Variants in SLC1A1 observed in about 807,000 individuals in gnomAD.
SLC1A1 encodes excitatory amino acid transporter 3.
A neutral mutation model predicts 53.3 loss-of-function variants in SLC1A1; 43 were observed. The observed-to-expected ratio is 0.81, with a 90% confidence interval of 0.63 to 1.04. The LOEUF (loss-of-function observed/expected upper bound fraction) is 1.04, where lower values mean the gene tolerates loss of function less well. Ranked by LOEUF, SLC1A1 falls within the 50% of genes least tolerant of loss-of-function variation. SLC1A1 has a pLI of 0.00. For synonymous variants in SLC1A1, 307 were observed against 243.2 expected, an observed-to-expected ratio of 1.26 and a Z score of -2.44; for missense variants, 748 against 664.9, an observed-to-expected ratio of 1.12 and a Z score of -1.37.
intron 2 of SLC1A1, 93 bp downstream of exon 2, chr9:4,544,800 G>T: frequency 9.2e-7 from 1 of 1,088,382 alleles, no homozygotes; most frequent in Non-Finnish European, 1.4e-6. Flanking sequence ...AAGGAAAGAG[G>T]TTTAATTGAC....
At chr9:4,508,026 C>T (rs756559302) in intron 1 of SLC1A1, among the ~76,000 whole-genome samples, 7 of 152,094 alleles carry the variant, frequency 4.6e-5, no homozygotes, top group Non-Finnish European at 8.8e-5. Context: ...TCCAGGGCCT[C>T]TCCAAACCGT....
intron 1 of SLC1A1, among the ~76,000 whole-genome samples, chr9:4,516,741 C>A (rs1380035593): frequency 6.6e-6 from 1 of 152,172 alleles, no homozygotes; most frequent in East Asian, 1.9e-4. Context: ...AAAAACTAAT[C>A]TTTGTATATT....
chr9:4,558,247 A>G (rs1818609828), intron 2 of SLC1A1, among the ~76,000 whole-genome samples: 1 of 152,174 alleles, frequency 6.6e-6, no homozygotes, highest in Non-Finnish European at 1.5e-5. Context: ...CCAACAATGC[A>G]TTATAAATCA....
rs1821298479 is a variant in SLC1A1 at position 4,583,545 on chromosome 9, A to G, written c.1328+373A>G. Among the ~76,000 whole-genome samples the G allele has an allele frequency of 6.6e-6, 1 of 152,168 alleles. No individual in the cohort carries two copies. Among genetic ancestry groups the G allele is most frequent in the African/African-American group, 2.4e-5 (1 of 41,430 alleles). ...GCTCAGAACCACCTAGTTCAAAATC[A>G]GTCCGTCTTCCTAAGCATCTTCCGA... On this transcript the variant is annotated intron_variant, in intron 11 of 11. Coordinates refer to ENST00000262352, the MANE Select transcript of SLC1A1 (RefSeq NM_004170.6). The surrounding 1 kb of genome is among the most constrained non-coding windows in gnomAD (Gnocchi z 4.6).
intron 4 of SLC1A1, among the ~76,000 whole-genome samples, chr9:4,565,083 T>C (rs2129707997): frequency 6.6e-6 from 1 of 152,334 alleles, no homozygotes; most frequent in African/African-American, 2.4e-5. Context: ...TTTTAGACAT[T>C]GCAAAGAAAG....
chr9:4,538,790 G>C lies in SLC1A1; in HGVS notation c.92-5777G>C, dbSNP rs578134507. Among the ~76,000 whole-genome samples the C allele has an allele frequency of 2.0e-4, 31 of 152,354 alleles. No individual in the cohort carries two copies. The South Asian group carries it at 6.2e-3, about 31-fold the overall frequency. On this transcript the variant is annotated intron_variant, in intron 1 of 11. Coordinates refer to ENST00000262352, the MANE Select transcript of SLC1A1 (RefSeq NM_004170.6). ...GCTCTTTAGGGAGGCAGGAAGAGATGAGAAAGGGATACAGATTATTACAGC... is the reference window on the plus strand; with the variant it reads ...GCTCTTTAGGGAGGCAGGAAGAGATCAGAAAGGGATACAGATTATTACAGC...
chr9:4,521,576 C>G (rs948282366), intron 1 of SLC1A1, among the ~76,000 whole-genome samples: 1 of 152,142 alleles, frequency 6.6e-6, no homozygotes, highest in Non-Finnish European at 1.5e-5. Flanking sequence ...GGCGGATGAA[C>G]CCCATCATCA....
At chr9:4,547,531 G>C (rs1453934861) in intron 2 of SLC1A1, among the ~76,000 whole-genome samples, 1 of 152,162 alleles carries the variant, frequency 6.6e-6, no homozygotes, top group Non-Finnish European at 1.5e-5. Flanking sequence ...GACTAGTGTT[G>C]GCACAGTTAT....
intron 6 of SLC1A1, among the ~76,000 whole-genome samples, chr9:4,570,412 C>T (rs1819916970): frequency 6.6e-6 from 1 of 151,884 alleles, no homozygotes; most frequent in South Asian, 2.1e-4. Flanking sequence ...GACTCTATCG[C>T]CCAGGCTGGA....
intron 10 of SLC1A1, among the ~76,000 whole-genome samples, chr9:4,578,153 T>C (rs1820736465): frequency 6.6e-6 from 1 of 152,256 alleles, no homozygotes; most frequent in African/African-American, 2.4e-5. Flanking sequence ...AATATAGGTC[T>C]GGCTGCAGAT....
chr9:4,498,339 T>C (rs1161260744), intron 1 of SLC1A1, among the ~76,000 whole-genome samples: 2 of 152,242 alleles, frequency 1.3e-5, no homozygotes, highest in Non-Finnish European at 2.9e-5. Context: ...ATTAGATGGT[T>C]TATTACAACA....
At chr9:4,559,965 T>G (rs1456142645) in intron 2 of SLC1A1, 5 of 152,176 alleles carry the variant, frequency 3.3e-5, no homozygotes, top group African/African-American at 1.2e-4. Context: ...ATGCCTGCCT[T>G]CCACCTCTAA....
At chr9:4,536,333 C>A (rs182348888) in intron 1 of SLC1A1, among the ~76,000 whole-genome samples, 2 of 136,740 alleles carry the variant, frequency 1.5e-5, no homozygotes, top group Admixed American at 1.5e-4. Context: ...ACAATGAACT[C>A]AAACAAATCT....
At chr9:4,546,359 G>C (rs771217160) in intron 2 of SLC1A1, among the ~76,000 whole-genome samples, 5 of 151,854 alleles carry the variant, frequency 3.3e-5, no homozygotes, top group Admixed American at 6.6e-5. Context: ...TTGTTTATTT[G>C]TTTAAATTGT....
At chr9:4,523,925 T>G (rs1816172945) in intron 1 of SLC1A1, among the ~76,000 whole-genome samples, 1 of 152,236 alleles carries the variant, frequency 6.6e-6, no homozygotes, top group Non-Finnish European at 1.5e-5. Context: ...TTGAACAGTC[T>G]CTTCTTAAAG....
chr9:4,512,464 C>T (rs1040462205), intron 1 of SLC1A1, among the ~76,000 whole-genome samples: 1 of 152,030 alleles, frequency 6.6e-6, no homozygotes, highest in African/African-American at 2.4e-5. Context: ...GCCATGATCA[C>T]GCCACTGCAC....
intron 6 of SLC1A1, among the ~76,000 whole-genome samples, chr9:4,570,067 G>C (rs1819878688): frequency 6.6e-6 from 1 of 152,160 alleles, no homozygotes; most frequent in Non-Finnish European, 1.5e-5. Context: ...TTTTGCCTTT[G>C]CTTGCCATCT....
chr9:4,567,278 C>CT (rs1819578212), intron 5 of SLC1A1, among the ~76,000 whole-genome samples: 1 of 152,136 alleles, frequency 6.6e-6, no homozygotes, highest in Non-Finnish European at 1.5e-5. Flanking sequence ...AGTGTGTTTG[C>CT]TCAGATTAAA....
At chr9:4,532,181 C>A (rs1296325976) in intron 1 of SLC1A1, among the ~76,000 whole-genome samples, 1 of 152,146 alleles carries the variant, frequency 6.6e-6, no homozygotes, top group Non-Finnish European at 1.5e-5. Context: ...AGCTCCTTAC[C>A]AGCAATGGAA....
Sources: gnomAD v4.1 joint callset for allele counts (sites outside exome capture counted in the v4.1 genomes callset) on GRCh38, gnomAD v4.1.1 for gene constraint, Gnocchi (gnomAD v3.1) non-coding constraint, MANE v1.5 for transcripts, NCBI Gene and HGNC (gene_info 2026-07-23, HGNC 2026-07-21) for gene names.